The following HPRT1 variants were observed in gnomAD, a reference collection of about 807,000 sequenced individuals.
The protein encoded by HPRT1 is hypoxanthine-guanine phosphoribosyltransferase.
A neutral mutation model predicts 19.0 loss-of-function variants in HPRT1; 4 were observed. The observed-to-expected ratio is 0.21, with a 90% CI of 0.10 to 0.48. The LOEUF (loss-of-function observed/expected upper bound fraction) is 0.48, where lower values mean the gene tolerates loss of function less well. Ranked by LOEUF, HPRT1 falls within the 20% of genes least tolerant of loss-of-function variation. The pLI is 0.98. For synonymous variants in HPRT1, 53 were observed against 54.9 expected, an observed-to-expected ratio of 0.97 and a Z score of 0.15; for missense variants, 65 against 164.0, an observed-to-expected ratio of 0.40 and a Z score of 3.30.
chrX:134,500,452 G>A lies in HPRT1; in HGVS notation c.*375G>A, dbSNP rs1306530311. On this transcript the variant is annotated 3_prime_UTR_variant, in exon 9 of 9. Transcript: ENST00000298556. ...TATGCAGGAAAGAATAGAAGTGATTGAATATTGTTAATTATACCACCGTGT... is the reference window on the plus strand; with the variant it reads ...TATGCAGGAAAGAATAGAAGTGATTAAATATTGTTAATTATACCACCGTGT... The A allele has an allele frequency of 7.5e-6, 1 of 133,577 alleles. No individual in the cohort carries two copies. The highest frequency in any genetic ancestry group is 8.1e-5 in the Admixed American group (1 of 12,277). The allele number at this position is 133,577 out of a possible 1,213,427, so 11.0% of individuals were successfully genotyped here. A position where few individuals can be genotyped will look rare whatever the true frequency, so the allele number is the denominator to read the frequency against.
chrX:134,499,326 A>C (rs629), intron 8 of HPRT1, among the ~76,000 whole-genome samples: 19,031 of 109,375 alleles, frequency 0.17, 1,574 homozygotes, highest in African/African-American at 0.29. Flanking sequence ...TAAAAATACA[A>C]AAATTAGCCA....
At chrX:134,490,003 T>G (rs751419403) in intron 4 of HPRT1, among the ~76,000 whole-genome samples, 185 bp from the exon 5 acceptor site, 24 of 111,479 alleles carry the variant, frequency 2.2e-4, no homozygotes, top group African/African-American at 7.8e-4. Context: ...TGATGAAAAT[T>G]TCAGTATTAC....
At chrX:134,500,008 A>G (rs1423561170) in intron 8 of HPRT1, 22 bp from the exon 9 acceptor site, 5 of 1,078,119 alleles carry the variant, frequency 4.6e-6, no homozygotes, top group Non-Finnish European at 5.2e-6. Flanking sequence ...TTAAATGTGA[A>G]TTTCTGGATT....
chrX:134,495,707 T>C, intron 6 of HPRT1, among the ~76,000 whole-genome samples: 1 of 112,065 alleles, frequency 8.9e-6, no homozygotes, highest in South Asian at 3.7e-4. Flanking sequence ...TTCAGAGTTG[T>C]GCATCTGCTA....
intron 4 of HPRT1, among the ~76,000 whole-genome samples, chrX:134,489,474 A>G (rs1014616814): frequency 1.8e-5 from 2 of 111,702 alleles, no homozygotes; most frequent in African/African-American, 6.5e-5. Context: ...CAGATAAACA[A>G]CACATCATGA....
chrX:134,478,455 CA>C (rs1461516891), intron 3 of HPRT1, among the ~76,000 whole-genome samples: 7 of 110,547 alleles, frequency 6.3e-5, no homozygotes, highest in Non-Finnish European at 3.8e-5. Context: ...CCTCTCTACA[CA>C]AAAAGAATTA....
chrX:134,495,042 G>T (rs1044308044), intron 6 of HPRT1, among the ~76,000 whole-genome samples: 3 of 110,483 alleles, frequency 2.7e-5, no homozygotes, highest in African/African-American at 9.9e-5. Context: ...GTTTTGGAGG[G>T]TCACAAATCT....
chrX:134,494,743 A>G (rs1180854698), intron 6 of HPRT1, among the ~76,000 whole-genome samples: 1 of 111,982 alleles, frequency 8.9e-6, no homozygotes, highest in African/African-American at 3.2e-5. Context: ...ATGTCAACCT[A>G]CTGTGGCATA....
intron 5 of HPRT1, among the ~76,000 whole-genome samples, chrX:134,492,002 C>T (rs1199097370): frequency 1.0e-5 from 1 of 97,877 alleles, no homozygotes; most frequent in African/African-American, 3.8e-5. Context: ...TATATATACA[C>T]ACATATATAA....
intron 3 of HPRT1, among the ~76,000 whole-genome samples, chrX:134,480,805 TTGTGTGTGTG>T (rs111997872): frequency 2.2e-5 from 2 of 91,632 alleles, no homozygotes; most frequent in Non-Finnish European, 4.4e-5. Flanking sequence ...ATATGTGTAT[TTGTGTGTGTG>T]TGTGTGTGTG....
At chrX:134,478,186 G>A (rs997665788) in intron 3 of HPRT1, among the ~76,000 whole-genome samples, 13 of 111,621 alleles carry the variant, frequency 1.2e-4, no homozygotes, top group African/African-American at 2.6e-4. Context: ...TGGCTGATCC[G>A]TACTAATCCT....
At chrX:134,490,092 G>T in intron 4 of HPRT1, 96 bp from the exon 5 acceptor site, 1 of 489,705 alleles carries the variant, frequency 2.0e-6, no homozygotes, top group Non-Finnish European at 3.4e-6. Flanking sequence ...ACAAGAGTTT[G>T]GATAATTCCT....
chrX:134,469,162 C>T (rs1236028358), intron 1 of HPRT1, among the ~76,000 whole-genome samples: 3 of 111,066 alleles, frequency 2.7e-5, no homozygotes, highest in Non-Finnish European at 5.7e-5. Flanking sequence ...GCCAATTATG[C>T]ATTTCTTAAA....
intron 1 of HPRT1, among the ~76,000 whole-genome samples, chrX:134,468,106 C>T (rs1021741361): frequency 3.6e-5 from 4 of 109,792 alleles, no homozygotes; most frequent in Non-Finnish European, 7.6e-5. Flanking sequence ...GCCACAGCGC[C>T]CAGCCGTCTT....
intron 6 of HPRT1, among the ~76,000 whole-genome samples, chrX:134,495,197 GAAA>G (rs56037049): frequency 1.5e-5 from 1 of 67,529 alleles, no homozygotes. Context: ...CCCTGTCTCA[GAAA>G]AAAAAAAAAA....
intron 5 of HPRT1, among the ~76,000 whole-genome samples, chrX:134,491,439 T>C (rs1685340774): frequency 9.0e-6 from 1 of 111,469 alleles, no homozygotes; most frequent in African/African-American, 3.3e-5. Context: ...ATATCATAAG[T>C]TGAAAATGGA....
intron 1 of HPRT1, among the ~76,000 whole-genome samples, chrX:134,469,380 AAAAC>A (rs2077605374): frequency 9.0e-6 from 1 of 111,393 alleles, no homozygotes; most frequent in Non-Finnish European, 1.9e-5. Flanking sequence ...AGGATGCAAT[AAAAC>A]AAAACAACTT....
At chrX:134,490,442 A>G (rs2077663299) in intron 5 of HPRT1, among the ~76,000 whole-genome samples, 1 of 105,831 alleles carries the variant, frequency 9.4e-6, no homozygotes, top group African/African-American at 3.4e-5. Context: ...CTTTCTAAAC[A>G]TAACTCTCTC....
At chrX:134,481,951 C>T (rs1251451320) in intron 3 of HPRT1, among the ~76,000 whole-genome samples, 9 of 112,452 alleles carry the variant, frequency 8.0e-5, no homozygotes, top group Admixed American at 3.8e-4. Context: ...AATCCCAAAC[C>T]AGGCATAAAA....
Sources: gnomAD v4.1 joint callset for allele counts (sites outside exome capture counted in the v4.1 genomes callset) on GRCh38, gnomAD v4.1.1 for gene constraint, MANE v1.5 for transcripts, NCBI Gene and HGNC (gene_info 2026-07-23, HGNC 2026-07-21) for gene names.